Variants in MACROD2 observed in about 807,000 individuals in gnomAD.
The protein encoded by MACROD2 is ADP-ribose glycohydrolase MACROD2.
A neutral mutation model predicts 70.4 loss-of-function variants in MACROD2; 36 were observed. That is an observed-to-expected ratio of 0.51 (90% CI 0.39 to 0.68). The LOEUF is 0.68. Ranked by LOEUF, MACROD2 falls within the 30% of genes least tolerant of loss-of-function variation. MACROD2 has a pLI of 0.00. For synonymous variants in MACROD2, 172 were observed against 178.8 expected, an observed-to-expected ratio of 0.96 and a Z score of 0.30; for missense variants, 496 against 538.4, an observed-to-expected ratio of 0.92 and a Z score of 0.78.
chr20:14,121,038 CAG>C (rs1266333461), intron 3 of MACROD2, among the ~76,000 whole-genome samples: 1 of 151,786 alleles, frequency 6.6e-6, no homozygotes, highest in African/African-American at 2.4e-5. Flanking sequence ...AAGGAAAAAA[CAG>C]TATTTTTATT....
chr20:14,255,002 A>G (rs2082041555), intron 3 of MACROD2, among the ~76,000 whole-genome samples: 1 of 151,760 alleles, frequency 6.6e-6, no homozygotes, highest in Non-Finnish European at 1.5e-5. Context: ...TCACTTATGA[A>G]GCTTAGTTTG....
At chr20:14,913,302 T>C (rs1311648999) in intron 5 of MACROD2, among the ~76,000 whole-genome samples, 1 of 152,214 alleles carries the variant, frequency 6.6e-6, no homozygotes, top group Non-Finnish European at 1.5e-5. Flanking sequence ...ATGGATATGA[T>C]AATGTTAAAA....
At chr20:14,730,991 A>ACACG (rs2071589398) in intron 5 of MACROD2, among the ~76,000 whole-genome samples, 1 of 140,446 alleles carries the variant, frequency 7.1e-6, no homozygotes, top group Non-Finnish European at 1.6e-5. Flanking sequence ...ACACACACAC[A>ACACG]CACACACACA....
chr20:14,279,990 G>GA (rs766151207), intron 3 of MACROD2, among the ~76,000 whole-genome samples: 2 of 152,172 alleles, frequency 1.3e-5, no homozygotes, highest in African/African-American at 4.8e-5. Context: ...GTCTTACAGA[G>GA]AAAGAGGGTA....
intron 8 of MACROD2, among the ~76,000 whole-genome samples, chr20:15,812,983 G>A (rs1600932578): frequency 6.6e-6 from 1 of 152,112 alleles, no homozygotes; most frequent in Non-Finnish European, 1.5e-5. Flanking sequence ...GAACTAACAG[G>A]TTCAGGTACC....
intron 5 of MACROD2, among the ~76,000 whole-genome samples, chr20:15,225,895 A>G (rs1445034561): frequency 6.6e-6 from 1 of 152,210 alleles, no homozygotes; most frequent in Non-Finnish European, 1.5e-5. Context: ...TATTCCTAGG[A>G]ATAGAACTGC....
chr20:14,757,033 C>T (rs1293493573), intron 5 of MACROD2, among the ~76,000 whole-genome samples: 1 of 152,136 alleles, frequency 6.6e-6, no homozygotes, highest in African/African-American at 2.4e-5. Context: ...AATTAAACTT[C>T]TTTCCATTAT....
At chr20:15,365,482 G>A (rs575200246) in intron 6 of MACROD2, among the ~76,000 whole-genome samples, 2 of 152,066 alleles carry the variant, frequency 1.3e-5, no homozygotes, top group East Asian at 3.9e-4. Context: ...TGGCTAACAG[G>A]ATGAAACCCT....
chr20:14,515,471 A>ACACGCGCGCGCGCGCG (rs1555798359), intron 4 of MACROD2, among the ~76,000 whole-genome samples: 4 of 99,786 alleles, frequency 4.0e-5, no homozygotes, highest in African/African-American at 1.5e-4. Flanking sequence ...ACACGCACAC[A>ACACGCGCGCGCGCGCG]CACACACACA....
At chr20:14,998,708 GTTTA>G (rs2074970225) in intron 5 of MACROD2, among the ~76,000 whole-genome samples, 1 of 152,186 alleles carries the variant, frequency 6.6e-6, no homozygotes, top group Non-Finnish European at 1.5e-5. Context: ...GGGGTAGAAA[GTTTA>G]TTTAAAGGGA....
chr20:14,692,917 A>G (rs1483118032), intron 5 of MACROD2, among the ~76,000 whole-genome samples: 1 of 152,196 alleles, frequency 6.6e-6, no homozygotes, highest in Non-Finnish European at 1.5e-5. Context: ...CTAATACTAA[A>G]TGTTGTCTTT....
intron 4 of MACROD2, among the ~76,000 whole-genome samples, chr20:14,588,825 A>G (rs978956288): frequency 4.6e-5 from 7 of 152,232 alleles, no homozygotes; most frequent in Non-Finnish European, 8.8e-5. Flanking sequence ...AGCATTTTAT[A>G]AAAATATTCA....
intron 5 of MACROD2, among the ~76,000 whole-genome samples, chr20:15,207,436 GTTTTT>G (rs548522491): frequency 2.4e-5 from 2 of 84,588 alleles, no homozygotes; most frequent in African/African-American, 1.1e-4. Flanking sequence ...TTTGTTTCTG[GTTTTT>G]TTTTTTTTTT....
chr20:14,480,846 AT>A (rs2084654994), intron 3 of MACROD2, among the ~76,000 whole-genome samples: 1 of 152,146 alleles, frequency 6.6e-6, no homozygotes, highest in Non-Finnish European at 1.5e-5. Flanking sequence ...GGAGATGACT[AT>A]TTTATACTTA....
chr20:14,650,996 A>G (rs1176253509), intron 4 of MACROD2, among the ~76,000 whole-genome samples: 1 of 152,230 alleles, frequency 6.6e-6, no homozygotes, highest in Non-Finnish European at 1.5e-5. Context: ...GGGAGTATAG[A>G]ACAAAAGAGA....
intron 3 of MACROD2, among the ~76,000 whole-genome samples, chr20:14,321,484 T>C (rs2082660117): frequency 6.6e-6 from 1 of 152,180 alleles, no homozygotes; most frequent in African/African-American, 2.4e-5. Flanking sequence ...TAACAAAAAG[T>C]CCCAAAACAA....
intron 8 of MACROD2, among the ~76,000 whole-genome samples, chr20:15,709,571 G>A (rs1439937586): frequency 6.6e-6 from 1 of 152,140 alleles, no homozygotes; most frequent in Non-Finnish European, 1.5e-5. Context: ...GGAAGCTGAG[G>A]TGGGAAGATT....
At chr20:15,647,952 C>G (rs2049577211) in intron 8 of MACROD2, among the ~76,000 whole-genome samples, 1 of 152,136 alleles carries the variant, frequency 6.6e-6, no homozygotes, top group Non-Finnish European at 1.5e-5. Context: ...CTCCTGACCT[C>G]AAGTAATCTG....
At chr20:14,954,267 T>C (rs2074499595) in intron 5 of MACROD2, among the ~76,000 whole-genome samples, 1 of 151,750 alleles carries the variant, frequency 6.6e-6, no homozygotes, top group Admixed American at 6.6e-5. Flanking sequence ...ATGCTAAATC[T>C]GGCCATCTTT....
Sources: gnomAD v4.1 joint callset for allele counts (sites outside exome capture counted in the v4.1 genomes callset) on GRCh38, gnomAD v4.1.1 for gene constraint, MANE v1.5 for transcripts, NCBI Gene and HGNC (gene_info 2026-07-23, HGNC 2026-07-21) for gene names.